The following DPP10 variants were observed in gnomAD, a reference collection of about 807,000 sequenced individuals.
DPP10 encodes dipeptidyl peptidase like 10.
A neutral mutation model predicts 120.9 loss-of-function variants in DPP10; 33 were observed. The ratio of observed to expected loss-of-function variants is 0.27; its 90% CI spans 0.21 to 0.37. DPP10 has a LOEUF of 0.37. DPP10 is among the 10% of genes least tolerant of loss of function. The probability of loss-of-function intolerance (pLI) is 1.00; values close to 1 mark genes in which losing one functional copy is unlikely to be tolerated. For missense variants in DPP10, 816 were observed against 942.8 expected, an observed-to-expected ratio of 0.87 and a Z score of 1.76; for synonymous variants, 337 against 326.1, an observed-to-expected ratio of 1.03 and a Z score of -0.36.
intron 2 of DPP10, among the ~76,000 whole-genome samples, chr2:115,337,577 T>C (rs992818173): frequency 1.6e-4 from 24 of 149,270 alleles, no homozygotes; most frequent in African/African-American, 5.9e-4. Flanking sequence ...CCAGTAGGGT[T>C]TGGGGGACAT....
chr2:114,706,440 A>G (rs1700689546), intron 1 of DPP10, among the ~76,000 whole-genome samples: 1 of 152,194 alleles, frequency 6.6e-6, no homozygotes, highest in Non-Finnish European at 1.5e-5. Flanking sequence ...TCTAAAGGAG[A>G]ATATATTCCA....
chr2:114,481,701 T>TTAC (rs1262483718), intron 1 of DPP10, among the ~76,000 whole-genome samples: 1 of 152,060 alleles, frequency 6.6e-6, no homozygotes, highest in Non-Finnish European at 1.5e-5. Context: ...ACCCAAAAGG[T>TTAC]TACTGTATTA....
chr2:114,804,359 G>A (rs1272690329), intron 1 of DPP10, among the ~76,000 whole-genome samples: 1 of 151,676 alleles, frequency 6.6e-6, no homozygotes, highest in Non-Finnish European at 1.5e-5. Context: ...AGTCCCTACT[G>A]GGTCACTGCC....
chr2:115,105,807 A>G (rs756564208), intron 1 of DPP10, among the ~76,000 whole-genome samples: 3 of 152,254 alleles, frequency 2.0e-5, no homozygotes, highest in Non-Finnish European at 4.4e-5. Flanking sequence ...GGCACATCTG[A>G]TGAATCATTC....
intron 3 of DPP10, among the ~76,000 whole-genome samples, chr2:115,456,305 A>T (rs2073536451): frequency 6.6e-6 from 1 of 152,172 alleles, no homozygotes; most frequent in Non-Finnish European, 1.5e-5. Flanking sequence ...AAAAGTCAGG[A>T]AACAACAGAT....
chr2:115,599,914 C>A (rs879906953), intron 5 of DPP10, among the ~76,000 whole-genome samples: 1 of 152,024 alleles, frequency 6.6e-6, no homozygotes, highest in Non-Finnish European at 1.5e-5. Context: ...CCTCCATTCA[C>A]CTTATGAATG....
At chr2:115,767,473 A>ATG (rs10689084) in intron 12 of DPP10, among the ~76,000 whole-genome samples, 6,709 of 150,602 alleles carry the variant, frequency 0.045, 465 homozygotes, top group African/African-American at 0.15. Flanking sequence ...ACATACATAT[A>ATG]TGTGTGTGTG....
intron 4 of DPP10, among the ~76,000 whole-genome samples, chr2:115,506,064 G>GA (rs1194181285): frequency 5.3e-5 from 8 of 151,564 alleles, no homozygotes; most frequent in Non-Finnish European, 8.8e-5. Context: ...ATACATTTTC[G>GA]AGAAACTTTT....
chr2:115,383,755 T>C (rs1324793214), intron 3 of DPP10, among the ~76,000 whole-genome samples: 1 of 152,190 alleles, frequency 6.6e-6, no homozygotes, highest in Admixed American at 6.5e-5. Context: ...ATTTTTAATG[T>C]GTATCTCTTA....
At position 115,399,081 on chromosome 2, in the gene DPP10, C is replaced by T. The variant is rs569672850; in HGVS notation, c.271+55169C>T. On this transcript the variant is annotated intron_variant, in intron 3 of 25. Transcript: ENST00000410059. Reference sequence around the variant, plus strand: ...TTGACTAAATACTCTGAGGCAGTGTCGGTGACATTTTGTTGCTGTTGGTAC... The same window carrying T: ...TTGACTAAATACTCTGAGGCAGTGTTGGTGACATTTTGTTGCTGTTGGTAC... 1.4e-3 allele frequency among the ~76,000 whole-genome samples: 209 copies of T among 152,174 alleles called. 1 individual carries two copies. Among genetic ancestry groups the T allele is most frequent in the African/African-American group, 4.8e-3 (200 of 41,554 alleles).
At chr2:114,762,818 A>G (rs1210223672) in intron 1 of DPP10, among the ~76,000 whole-genome samples, 2 of 152,212 alleles carry the variant, frequency 1.3e-5, no homozygotes, top group South Asian at 2.1e-4. Flanking sequence ...TGTGAAATGT[A>G]TTCTTTTACT....
chr2:115,547,775 A>T (rs1222771739), intron 5 of DPP10, among the ~76,000 whole-genome samples: 1 of 152,050 alleles, frequency 6.6e-6, no homozygotes, highest in Non-Finnish European at 1.5e-5. Context: ...CAAAAAAAAA[A>T]AAAAAAAGAC....
intron 1 of DPP10, among the ~76,000 whole-genome samples, chr2:114,490,585 CTT>C (rs1382231693): frequency 6.6e-6 from 1 of 151,892 alleles, no homozygotes; most frequent in African/African-American, 2.4e-5. Flanking sequence ...CCGAGAAAGA[CTT>C]TGTGGAGGAG....
At chr2:115,513,577 C>T (rs941411083) in intron 4 of DPP10, among the ~76,000 whole-genome samples, 3 of 151,866 alleles carry the variant, frequency 2.0e-5, no homozygotes, top group African/African-American at 7.2e-5. Context: ...TAATTTACAA[C>T]TAGCATCTTA....
chr2:114,506,397 T>C (rs758828260), intron 1 of DPP10, among the ~76,000 whole-genome samples: 7 of 152,180 alleles, frequency 4.6e-5, no homozygotes, highest in Non-Finnish European at 1.0e-4. Context: ...TAAAATCCCC[T>C]GCACTTACCA....
chr2:114,455,156 TTG>T lies in DPP10; in HGVS notation c.60+12348_60+12349del, dbSNP rs141717813. 2.7e-3 allele frequency among the ~76,000 whole-genome samples: 403 copies of T among 147,304 alleles called. 2 individuals are homozygous for T. The highest frequency in any genetic ancestry group is 6.9e-3 in the African/African-American group (277 of 39,900). ...GTTTTTTCAAGGGATTTTCTTTCTATTGTGTGTGTGTGTGTGTGTGTGTGTGT... is the reference window on the plus strand; with the variant it reads ...GTTTTTTCAAGGGATTTTCTTTCTATTGTGTGTGTGTGTGTGTGTGTGTGT... On this transcript the variant is annotated intron_variant, in intron 1 of 25. Coordinates refer to ENST00000410059, the MANE Select transcript of DPP10 (RefSeq NM_020868.6).
chr2:115,075,426 C>G (rs1048113708), intron 1 of DPP10, among the ~76,000 whole-genome samples: 8 of 152,044 alleles, frequency 5.3e-5, no homozygotes, highest in Non-Finnish European at 1.0e-4. Context: ...AGGGGAAGTC[C>G]CAGATGAAAA....
At chr2:115,358,356 T>G (rs1242339351) in intron 3 of DPP10, among the ~76,000 whole-genome samples, 1 of 152,178 alleles carries the variant, frequency 6.6e-6, no homozygotes, top group Non-Finnish European at 1.5e-5. Flanking sequence ...AAGAGTGACC[T>G]TTACTCCAGT....
At chr2:115,040,056 A>T (rs777585761) in intron 1 of DPP10, among the ~76,000 whole-genome samples, 1 of 152,208 alleles carries the variant, frequency 6.6e-6, no homozygotes, top group African/African-American at 2.4e-5. Flanking sequence ...TACTAGAAGT[A>T]ATGCTTTAAT....
Sources: allele counts gnomAD v4.1 joint callset (sites outside exome capture counted in the v4.1 genomes callset), GRCh38; gene constraint gnomAD v4.1.1; transcripts MANE v1.5; gene names NCBI Gene and HGNC (gene_info 2026-07-23, HGNC 2026-07-21).